CTNNA3: variants seen among roughly 807,000 people sequenced by gnomAD.
CTNNA3 encodes catenin alpha 3, also known as catenin alpha-3.
CTNNA3 carries 76 observed loss-of-function variants against 95.7 expected under a neutral mutation model. The ratio of observed to expected loss-of-function variants is 0.79; its 90% confidence interval spans 0.66 to 0.96. The LOEUF is 0.96. Among genes scored for constraint, CTNNA3 ranks in the 40% least tolerant of loss-of-function variants. The probability of loss-of-function intolerance (pLI) is 0.00; values close to 1 mark genes in which losing one functional copy is unlikely to be tolerated. For missense variants in CTNNA3, 1,191 were observed against 1,089.8 expected (o/e 1.09, Z -1.31); for synonymous variants, 431 against 374.4 (o/e 1.15, Z -1.74).
At chr10:67,265,266 C>T (rs1393344145) in intron 5 of CTNNA3, among the ~76,000 whole-genome samples, 7 of 152,124 alleles carry the variant, frequency 4.6e-5, no homozygotes, top group South Asian at 2.1e-4. Context: ...GCTCATATTC[C>T]GTTACTTTGA....
chr10:67,731,102 A>G lies in CTNNA3; in HGVS notation c.-2+32332T>C, dbSNP rs920138883. On this transcript the variant is annotated intron_variant, in intron 1 of 17. Coordinates refer to the CTNNA3 transcript ENST00000684154. The stretch of plus-strand genomic sequence containing the variant: ...AAACTCAAGAAATAGTTGTATAAAA[A>G]TATTATTTAGAAAAATAGAAGTAAA... Among the ~76,000 whole-genome samples the G allele has an allele frequency of 2.1e-4, 32 of 152,216 alleles. 1 individual carries two copies. The highest frequency in any genetic ancestry group is 7.2e-4 in the African/African-American group (30 of 41,454).
intron 7 of CTNNA3, among the ~76,000 whole-genome samples, chr10:66,869,572 C>G (rs530605489): frequency 7.2e-5 from 11 of 151,808 alleles, no homozygotes; most frequent in African/African-American, 2.4e-4. Context: ...GACTTTGTCT[C>G]AATACATTAA....
In CTNNA3 at chr10:65,913,457, A is replaced by C. The variant is rs1015919960; in HGVS notation, c.*6873T>G. On this transcript the variant is annotated 3_prime_UTR_variant, in exon 18 of 18. Coordinates refer to ENST00000433211, the MANE Select transcript of CTNNA3 (RefSeq NM_013266.4). ...ATTATTATGCTACCATTTAGGTCTA[A>C]GGAAATTTTCTTTGGAGGGACTGTA... The C allele has an allele frequency of 1.3e-5, 2 of 152,150 alleles. No homozygotes were observed. Among genetic ancestry groups the C allele is most frequent in the African/African-American group, 4.8e-5 (2 of 41,436 alleles). The allele number at this position is 152,150 out of a possible 1,614,324, so 9.4% of individuals were successfully genotyped here.
intron 10 of CTNNA3, among the ~76,000 whole-genome samples, chr10:66,574,102 T>C (rs1442960728): frequency 3.3e-5 from 5 of 152,108 alleles, no homozygotes; most frequent in African/African-American, 1.2e-4. Context: ...ATAGTTGACA[T>C]AGATGAAATT....
At chr10:67,590,429 C>G (rs921921024) in intron 3 of CTNNA3, among the ~76,000 whole-genome samples, 1 of 152,048 alleles carries the variant, frequency 6.6e-6, no homozygotes, top group African/African-American at 2.4e-5. Context: ...AGAAACATAG[C>G]CATGCATATA....
intron 13 of CTNNA3, among the ~76,000 whole-genome samples, chr10:66,116,393 G>A (rs1213212825): frequency 6.6e-6 from 1 of 151,812 alleles, no homozygotes; most frequent in Middle Eastern, 3.2e-3. Context: ...TTACCAAAGA[G>A]GAATAGAAAC....
chr10:65,967,902 T>C (rs1052042919), intron 16 of CTNNA3, among the ~76,000 whole-genome samples: 11 of 152,006 alleles, frequency 7.2e-5, no homozygotes, highest in Non-Finnish European at 1.0e-4. Context: ...TTATGTATAA[T>C]AACAAAATTT....
chr10:67,645,197 A>G (rs887596052), intron 2 of CTNNA3, among the ~76,000 whole-genome samples: 2 of 151,926 alleles, frequency 1.3e-5, no homozygotes, highest in Admixed American at 6.6e-5. Flanking sequence ...GTGCGCGCAC[A>G]CACACACACA....
intron 1 of CTNNA3, among the ~76,000 whole-genome samples, chr10:67,758,355 C>T (rs1589590846): frequency 7.0e-6 from 1 of 143,662 alleles, no homozygotes; most frequent in African/African-American, 2.6e-5. Context: ...CACACACACA[C>T]ATATATCTTA....
chr10:66,653,593 G>GA (rs1037238566), intron 9 of CTNNA3, among the ~76,000 whole-genome samples: 12 of 151,808 alleles, frequency 7.9e-5, no homozygotes, highest in African/African-American at 2.7e-4. Flanking sequence ...CATAGCAATA[G>GA]AAAAAAAATC....
chr10:66,634,937 A>G (rs893138490), intron 9 of CTNNA3, among the ~76,000 whole-genome samples: 7 of 152,254 alleles, frequency 4.6e-5, no homozygotes, highest in African/African-American at 1.7e-4. Context: ...TATGAGAAAT[A>G]TATGTTACAT....
chr10:67,268,140 C>T (rs1866902491), intron 5 of CTNNA3, among the ~76,000 whole-genome samples: 1 of 151,866 alleles, frequency 6.6e-6, no homozygotes, highest in African/African-American at 2.4e-5. Flanking sequence ...AAATAAACTA[C>T]TCAATACTGG....
At chr10:65,970,567 A>AGGGTT (rs2078073832) in intron 16 of CTNNA3, among the ~76,000 whole-genome samples, 1 of 151,794 alleles carries the variant, frequency 6.6e-6, no homozygotes. Context: ...CTCAAAGTAA[A>AGGGTT]GGGTTGAAGA....
chr10:66,671,319 C>A (rs1358499004), intron 9 of CTNNA3, among the ~76,000 whole-genome samples: 1 of 152,014 alleles, frequency 6.6e-6, no homozygotes. Flanking sequence ...TTGCTGAAAA[C>A]CATCTATTGA....
intron 7 of CTNNA3, among the ~76,000 whole-genome samples, chr10:66,904,025 C>G (rs1270498174): frequency 6.6e-6 from 1 of 152,088 alleles, no homozygotes; most frequent in Non-Finnish European, 1.5e-5. Flanking sequence ...TTGGAAAAAA[C>G]TACTGTAAAG....
At chr10:67,672,875 A>C (rs1840464516) in intron 1 of CTNNA3, among the ~76,000 whole-genome samples, 1 of 152,124 alleles carries the variant, frequency 6.6e-6, no homozygotes, top group Admixed American at 6.5e-5. Flanking sequence ...ACTTTAAAGT[A>C]GTTTTTCCCA....
chr10:67,710,866 T>C (rs1220884048), intron 1 of CTNNA3, among the ~76,000 whole-genome samples: 1 of 152,166 alleles, frequency 6.6e-6, no homozygotes, highest in Non-Finnish European at 1.5e-5. Context: ...AAAAACATAG[T>C]GGACCTTGAT....
chr10:67,546,922 T>C (rs1027783763), intron 3 of CTNNA3, among the ~76,000 whole-genome samples: 3 of 152,216 alleles, frequency 2.0e-5, no homozygotes, highest in Non-Finnish European at 4.4e-5. Flanking sequence ...TTTTTTGACA[T>C]CTGCTAAAAG....
At chr10:66,005,861 T>C (rs936046342) in intron 15 of CTNNA3, among the ~76,000 whole-genome samples, 4 of 152,050 alleles carry the variant, frequency 2.6e-5, no homozygotes, top group African/African-American at 9.7e-5. Context: ...ACTATATAAA[T>C]ACTGCATACT....
Sources: gnomAD v4.1 joint callset for allele counts (sites outside exome capture counted in the v4.1 genomes callset) on GRCh38, gnomAD v4.1.1 for gene constraint, MANE v1.5 for transcripts, NCBI Gene and HGNC (gene_info 2026-07-23, HGNC 2026-07-21) for gene names.